ELMOD3: variants seen among roughly 807,000 people sequenced by gnomAD.
The protein encoded by ELMOD3 is ELMO domain containing 3.
A neutral mutation model predicts 47.4 loss-of-function variants in ELMOD3; 36 were observed. That is an observed-to-expected ratio of 0.76 (90% confidence interval 0.58 to 1.00). ELMOD3 has a LOEUF of 1.00. Ranked by LOEUF, ELMOD3 falls within the 50% of genes least tolerant of loss-of-function variation. The probability of loss-of-function intolerance (pLI) is 0.00; values close to 1 mark genes in which losing one functional copy is unlikely to be tolerated. For missense variants in ELMOD3, 404 were observed against 463.8 expected (o/e 0.87, Z 1.18); for synonymous variants, 149 against 183.5 (o/e 0.81, Z 1.52).
chr2:85,362,972 T>C, intron 5 of ELMOD3, 125 bp from the exon 6 acceptor site: 1 of 605,088 alleles, frequency 1.7e-6, no homozygotes, highest in Middle Eastern at 4.3e-4. Context: ...AGTCAACCCA[T>C]CAGGGCACAC....
Position 85,390,486 on chromosome 2 carries a change from GC to G in ELMOD3, c.943+222del, listed in dbSNP as rs1388480061. 3 of 1,606,954 alleles carry G rather than the reference GC, an allele frequency of 1.9e-6. No homozygotes were observed. In the African/African-American group the frequency reaches 4.0e-5, roughly 22 times the overall value. Reference sequence around the variant, plus strand: ...TTTTCTGGTCTTATACTTATGACAAGCATATATTCTGATCAAAAATTGGGAG... The same window carrying G: ...TTTTCTGGTCTTATACTTATGACAAGATATATTCTGATCAAAAATTGGGAG... On this transcript the variant is annotated intron_variant, in intron 13 of 13. Transcript: ENST00000409013.
intron 11 of ELMOD3, among the ~76,000 whole-genome samples, chr2:85,381,367 T>C (rs1013069895): frequency 6.6e-6 from 1 of 152,224 alleles, no homozygotes; most frequent in Non-Finnish European, 1.5e-5. Flanking sequence ...AAATCTCCAT[T>C]CCTTGAGAGC....
intron 1 of ELMOD3, 58 bp downstream of exon 1, chr2:85,354,887 G>C: frequency 5.6e-6 from 1 of 179,582 alleles, no homozygotes; most frequent in South Asian, 1.1e-4. Context: ...GGAGCTAGCA[G>C]CCGGCCTGAG....
At chr2:85,382,857 A>C (rs758823816) in intron 11 of ELMOD3, among the ~76,000 whole-genome samples, 1 of 151,956 alleles carries the variant, frequency 6.6e-6, no homozygotes, top group African/African-American at 2.4e-5. Context: ...CGGATGTAAT[A>C]ACCTTAATTT....
At position 85,379,384 on chromosome 2, in the gene ELMOD3, T is replaced by G. The variant is rs144918007; in HGVS notation, c.738+1910T>G. Among the ~76,000 whole-genome samples, 237 of 152,258 alleles carry G rather than the reference T, an allele frequency of 1.6e-3. 3 individuals are homozygous for G. The East Asian group carries it at 0.043, about 28-fold the overall frequency. ...ACCACGTCCGGCTAATTTTTGTATT[T>G]TTAGTAAAGACGGGGTTTCACCATG... On this transcript the variant is annotated intron_variant, in intron 11 of 13. Transcript: ENST00000409013.
In ELMOD3 at chr2:85,390,862, A is replaced by G. The variant is rs1378177642; in HGVS notation, c.1046A>G (p.Gln349Arg). 3.3e-5 allele frequency: 51 copies of G among 1,551,558 alleles called. No homozygotes were observed. Among genetic ancestry groups the G allele is most frequent in the Non-Finnish European group, 3.7e-5 (42 of 1,147,002 alleles). ...SKGQASLLGA[Q>R]KCYGPEAPPF... ...GGACAGGCCTCCTTGTTGGGAGCAC[A>G]GAAGTGCTATGGGCCAGAAGCCCCT... The change falls in exon 14 of 14, where the codon CAG (glutamine) becomes CGG (arginine). Residue 349 changes from glutamine to arginine, a missense_variant. By Grantham distance (43) the Gln-to-Arg change is conservative. Transcript: ENST00000409013.
intron 6 of ELMOD3, among the ~76,000 whole-genome samples, chr2:85,365,260 G>C (rs533150226): frequency 1.3e-5 from 2 of 151,512 alleles, no homozygotes; most frequent in South Asian, 2.1e-4. Flanking sequence ...TTAGCCAGGA[G>C]AATCACTTGA....
chr2:85,361,756 C>T (rs528868197), intron 4 of ELMOD3, among the ~76,000 whole-genome samples: 1 of 151,914 alleles, frequency 6.6e-6, no homozygotes, highest in East Asian at 1.9e-4. Context: ...GGTGAAACCC[C>T]GTCTCTACTA....
At chr2:85,390,518 G>T in intron 13 of ELMOD3, 1 of 1,596,170 alleles carries the variant, frequency 6.3e-7, no homozygotes, top group Non-Finnish European at 8.5e-7. Flanking sequence ...GGGAGCCAGG[G>T]TCCAATAGTT....
chr2:85,364,061 G>C (rs1364176213), intron 6 of ELMOD3, among the ~76,000 whole-genome samples: 1 of 152,200 alleles, frequency 6.6e-6, no homozygotes, highest in East Asian at 1.9e-4. Context: ...CCCAGGAGGT[G>C]GAGGTTGCAG....
At chr2:85,387,033 C>T in intron 11 of ELMOD3, 1 of 1,267,006 alleles carries the variant, frequency 7.9e-7, no homozygotes, top group Non-Finnish European at 1.0e-6. Context: ...AATGGATGAA[C>T]ACTAAGTTCA....
Position 85,377,618 on chromosome 2 carries a change from C to T in ELMOD3, c.738+144C>T, listed in dbSNP as rs980506273. ...ACCTGCATTGAAATATGAGCTGTAC[C>T]GCTCATTAGCTGTGTAGCTCAAGCA... On this transcript the variant is annotated intron_variant, in intron 11 of 13. Coordinates refer to ENST00000409013, the MANE Select transcript of ELMOD3 (RefSeq NM_001135022.2). 7 of 753,686 alleles carry T rather than the reference C, an allele frequency of 9.3e-6. No individual in the cohort carries two copies. The Admixed American group carries it at 1.5e-4, about 16-fold the overall frequency. 46.7% of individuals were successfully genotyped at this position (753,686 alleles called of 1,614,324 possible).
intron 11 of ELMOD3, among the ~76,000 whole-genome samples, chr2:85,388,754 G>A (rs1573157766): frequency 6.6e-6 from 1 of 152,240 alleles, no homozygotes; most frequent in East Asian, 1.9e-4. Context: ...CCACTAAGGA[G>A]CTGAATTTAT....
At chr2:85,387,113 G>A in intron 11 of ELMOD3, 2 of 1,300,998 alleles carry the variant, frequency 1.5e-6, no homozygotes, top group Admixed American at 2.3e-5. Flanking sequence ...AAGAAATCAA[G>A]GGAAGGGATG....
intron 11 of ELMOD3, among the ~76,000 whole-genome samples, chr2:85,380,756 C>T (rs1685484403): frequency 6.6e-6 from 1 of 152,178 alleles, no homozygotes; most frequent in Non-Finnish European, 1.5e-5. Flanking sequence ...AACTCCTGAC[C>T]TCAAGTGATG....
At chr2:85,357,774 CGAACTGTT>C (rs1683665881) in intron 4 of ELMOD3, among the ~76,000 whole-genome samples, 1 of 152,048 alleles carries the variant, frequency 6.6e-6, no homozygotes, top group Admixed American at 6.6e-5. Context: ...TAGTAATATG[CGAACTGTT>C]CCAAAGAGGG....
intron 11 of ELMOD3, among the ~76,000 whole-genome samples, chr2:85,384,029 A>AGGTGGG: frequency 6.6e-6 from 1 of 152,206 alleles, no homozygotes; most frequent in Admixed American, 6.5e-5. Flanking sequence ...CTGGAAGCAA[A>AGGTGGG]AGCGGGATGA....
chr2:85,380,147 T>G (rs1408589395), intron 11 of ELMOD3, among the ~76,000 whole-genome samples: 3 of 152,226 alleles, frequency 2.0e-5, no homozygotes, highest in Non-Finnish European at 4.4e-5. Context: ...CTTATTGTAT[T>G]TATGCAAATA....
chr2:85,380,384 T>C (rs1685455616), intron 11 of ELMOD3, among the ~76,000 whole-genome samples: 1 of 152,228 alleles, frequency 6.6e-6, no homozygotes. Context: ...ATGCAGTTAA[T>C]TCCTGTTCTG....
Sources: allele counts gnomAD v4.1 joint callset (sites outside exome capture counted in the v4.1 genomes callset), GRCh38; gene constraint gnomAD v4.1.1; transcripts MANE v1.5; gene names NCBI Gene and HGNC (gene_info 2026-07-23, HGNC 2026-07-21).